The following DNAH2 variants were observed in gnomAD, a reference collection of about 807,000 sequenced individuals.
DNAH2 encodes the protein dynein axonemal heavy chain 2, also known as axonemal beta dynein heavy chain 2.
DNAH2 carries 323 observed loss-of-function variants against 523.5 expected under a neutral mutation model. That is an observed-to-expected ratio of 0.62 (90% CI 0.56 to 0.68). DNAH2 has a LOEUF of 0.68. DNAH2 is among the 30% of genes least tolerant of loss of function. The probability of loss-of-function intolerance (pLI) is 0.00; values close to 1 mark genes in which losing one functional copy is unlikely to be tolerated. For synonymous variants in DNAH2, 2,093 were observed against 2,177.4 expected (o/e 0.96, Z 1.08); for missense variants, 4,907 against 5,701.5 (o/e 0.86, Z 4.49).
rs1479984368 is a variant in DNAH2, at chr17:7,805,245, C to A, written c.9301-7C>A. On this transcript the variant is annotated splice_region_variant and splice_polypyrimidine_tract_variant and intron_variant, in intron 60 of 85. Coordinates refer to ENST00000572933, the MANE Select transcript of DNAH2 (RefSeq NM_020877.5). ...TCTTACCCTCACTTTATCCCCTTTT[C>A]CCCCAGGCCCTGGAGTCTCTGAACA... 3 of 1,613,934 alleles carry A rather than the reference C, an allele frequency of 1.9e-6. No individual in the cohort carries two copies. Among genetic ancestry groups the A allele is most frequent in the African/African-American group, 1.3e-5 (1 of 74,934 alleles).
At position 7,831,217 on chromosome 17, in the gene DNAH2, C is replaced by T. The variant is rs768127942; in HGVS notation, c.12362C>T (p.Ser4121Phe). The part of the protein sequence containing the change: ...FGQHPNADVA[S>F]QITEAQTLFD... ...CAGCACCCCAATGCTGATGTGGCCT[C>T]TCAGATCACTGAGGCACAAACCCTC... is the stretch of plus-strand genomic sequence containing the variant. Residue 4121 changes from serine (S) to phenylalanine (F), a missense_variant, in exon 80 of 86, where the codon TCT becomes TTT. Physicochemically the swap from Ser to Phe is radical, Grantham distance 155. Around this residue, in one of 3 missense-constraint regions of DNAH2, gnomAD observed 1,851 missense variants for 2,139.4 expected, o/e 0.87. Transcript: ENST00000572933. The surrounding 1 kb of genome is among the most constrained non-coding windows in gnomAD (Gnocchi z 4.2). 33 of 1,614,102 alleles carry T rather than the reference C, an allele frequency of 2.0e-5. No individual in the cohort carries two copies. In the African/African-American group the frequency reaches 3.5e-4, roughly 17 times the overall value.
chr17:7,780,689 G>A lies in DNAH2; in HGVS notation c.5910G>A (p.Gln1970=). ...TGGCTGTGCAGCAGCTGTCCAGACA[G>A]GACCACTATGACTTTGGCCTGCGTG... The part of the protein sequence containing the change: ...YSLAVQQLSR[Q]DHYDFGLRAL... Residue 1970 remains glutamine (Q), a synonymous_variant, in exon 38 of 86, where the codon CAG becomes CAA. Transcript: ENST00000572933. The surrounding 1 kb of genome is among the most constrained non-coding windows in gnomAD (Gnocchi z 4.4). 6.2e-7 allele frequency: 1 copy of A among 1,614,230 alleles called. No homozygotes were observed. The highest frequency in any genetic ancestry group is 8.5e-7 in the Non-Finnish European group (1 of 1,180,044).
chr17:7,794,483 T>G, intron 49 of DNAH2, 125 bp downstream of exon 49: 1 of 770,838 alleles, frequency 1.3e-6, no homozygotes, highest in South Asian at 2.1e-5. Flanking sequence ...CGCAGGACGC[T>G]GGGACGATCC....
At chr17:7,740,709 G>C (rs2075287762) in intron 10 of DNAH2, 101 bp from the exon 11 acceptor site, 1 of 1,536,096 alleles carries the variant, frequency 6.5e-7, no homozygotes, top group Non-Finnish European at 8.8e-7. Flanking sequence ...GTCCCCGGGA[G>C]TGTGACTCCC....
At chr17:7,781,541 G>C (rs2076605254) in intron 39 of DNAH2, among the ~76,000 whole-genome samples, 1 of 152,140 alleles carries the variant, frequency 6.6e-6, no homozygotes, top group African/African-American at 2.4e-5. Flanking sequence ...TATGCATCTG[G>C]GAATAGAAAA....
chr17:7,741,009 C>T lies in DNAH2; in HGVS notation c.1689+17C>T, dbSNP rs1258333706. Reference sequence around the variant, plus strand: ...GTCATGACCGTAAGTGCCTGGCCTTCTCCATATTCTGTCGTCAGTGAGACC... The same window carrying T: ...GTCATGACCGTAAGTGCCTGGCCTTTTCCATATTCTGTCGTCAGTGAGACC... On this transcript the variant is annotated intron_variant, in intron 11 of 85. Coordinates refer to ENST00000572933, the MANE Select transcript of DNAH2 (RefSeq NM_020877.5). 2 of 1,584,280 alleles carry T rather than the reference C, an allele frequency of 1.3e-6. No homozygotes were observed. Among genetic ancestry groups the T allele is most frequent in the South Asian group, 1.1e-5 (1 of 89,486 alleles).
At chr17:7,736,430 C>T (rs530194274) in intron 7 of DNAH2, among the ~76,000 whole-genome samples, 2 of 152,260 alleles carry the variant, frequency 1.3e-5, no homozygotes, top group Non-Finnish European at 2.9e-5. Flanking sequence ...CCAGTTGATC[C>T]GACAGCAACA....
intron 7 of DNAH2, among the ~76,000 whole-genome samples, chr17:7,736,146 A>T (rs1289165848): frequency 6.6e-6 from 1 of 152,146 alleles, no homozygotes; most frequent in African/African-American, 2.4e-5. Flanking sequence ...AAGTGTTGAG[A>T]TTATAGGTGT....
rs1276887167 is a variant in DNAH2 at position 7,833,680 on chromosome 17, G to A, written c.*147G>A. The stretch of plus-strand genomic sequence containing the variant: ...TGTGGCCCTGGAGATACCTAGTTGT[G>A]TTAGCCATAAAAGTGAAAGAGTTGT... On this transcript the variant is annotated 3_prime_UTR_variant, in exon 86 of 86. Coordinates refer to ENST00000572933, the MANE Select transcript of DNAH2 (RefSeq NM_020877.5). 2 of 1,106,458 alleles carry A rather than the reference G, an allele frequency of 1.8e-6. No individual in the cohort carries two copies. The highest frequency in any genetic ancestry group is 1.5e-5 in the African/African-American group (1 of 64,902). The allele number at this position is 1,106,458 out of a possible 1,614,324, so 68.5% of individuals were successfully genotyped here. A position where few individuals can be genotyped will look rare whatever the true frequency, so the allele number is the denominator to read the frequency against.
chr17:7,771,350 C>T lies in DNAH2; in HGVS notation c.4383C>T (p.Asp1461=), dbSNP rs1412875960. ...CTCAGAATATCTTCCTAGGAGAAGA[C>T]ATCCGCAAGCAGCTGCCCAATGAAT... The part of the protein sequence containing the change: ...MYLENIFLGE[D]IRKQLPNEST... Residue 1461 remains aspartate, a synonymous_variant, in exon 28 of 86, where the codon GAC becomes GAT. Coordinates refer to ENST00000572933, the MANE Select transcript of DNAH2 (RefSeq NM_020877.5). 1.9e-6 allele frequency: 3 copies of T among 1,614,040 alleles called. No individual in the cohort carries two copies. Among genetic ancestry groups the T allele is most frequent in the South Asian group, 2.2e-5 (2 of 91,082 alleles).
intron 13 of DNAH2, among the ~76,000 whole-genome samples, chr17:7,757,652 T>A (rs1480741078): frequency 6.6e-6 from 1 of 152,234 alleles, no homozygotes; most frequent in Non-Finnish European, 1.5e-5. Flanking sequence ...GAGGCTTTGT[T>A]CTGGGTTAGG....
chr17:7,807,272 G>A lies in DNAH2; in HGVS notation c.9565G>A (p.Val3189Ile), dbSNP rs375285205. 150 of 1,613,732 alleles carry A rather than the reference G, an allele frequency of 9.3e-5. No individual in the cohort carries two copies. The highest frequency in any genetic ancestry group is 7.3e-5 in the Non-Finnish European group (86 of 1,180,030). Residue 3189 changes from valine to isoleucine, a missense_variant, in exon 62 of 86, where the codon GTC becomes ATC. Coordinates refer to ENST00000572933, the MANE Select transcript of DNAH2 (RefSeq NM_020877.5). The surrounding 1 kb of genome is among the most constrained non-coding windows in gnomAD (Gnocchi z 5.6). ...PDFQPDIIGR[V>I]SLAAKSLCMW... ...CTTCCAGCCTGATATCATCGGCCGC[G>A]TCTCCCTGGCTGCCAAGTCCCTCTG... is the stretch of plus-strand genomic sequence containing the variant.
chr17:7,787,077 C>CCGGAGGG, intron 42 of DNAH2, 44 bp downstream of exon 42: 2 of 1,607,604 alleles, frequency 1.2e-6, no homozygotes, highest in Non-Finnish European at 1.7e-6. Context: ...GAGGCAGGCA[C>CCGGAGGG]CGGAGGGCGT....
At chr17:7,817,092 T>C (rs866984485) in intron 64 of DNAH2, among the ~76,000 whole-genome samples, 198 bp from the exon 65 acceptor site, 1 of 152,166 alleles carries the variant, frequency 6.6e-6, no homozygotes, top group South Asian at 2.1e-4. Context: ...ATCACCAGAA[T>C]GTAAACATTG....
chr17:7,779,799 A>G (rs1466660620), intron 36 of DNAH2, among the ~76,000 whole-genome samples: 1 of 152,192 alleles, frequency 6.6e-6, no homozygotes, highest in South Asian at 2.1e-4. Context: ...GGTCTAGGAC[A>G]GCACAGGGAT....
Position 7,799,239 on chromosome 17 carries a change from T to A in DNAH2, c.8696T>A (p.Phe2899Tyr), listed in dbSNP as rs187892240. Residue 2899 changes from phenylalanine (F) to tyrosine (Y), a missense_variant, in exon 56 of 86, where the codon TTC becomes TAC. Physicochemically the swap from Phe to Tyr is conservative, Grantham distance 22. This residue lies in a region of DNAH2 where 1,851 missense variants were observed against 2,139.4 expected (regional missense o/e 0.87). Coordinates refer to ENST00000572933, the MANE Select transcript of DNAH2 (RefSeq NM_020877.5). ...TGCCTCAGCCCCATGGGGGATCCCT[T>A]CAGGTGACTTCTGTGACATCCTTCT... The part of the protein sequence containing the change: ...VLCLSPMGDP[F>Y]RNWIRQYPAL... 5 of 1,613,956 alleles carry A rather than the reference T, an allele frequency of 3.1e-6. No homozygotes were observed. The African/African-American group carries it at 6.7e-5, about 22-fold the overall frequency.
intron 48 of DNAH2, among the ~76,000 whole-genome samples, chr17:7,793,418 G>A (rs1348205887): frequency 2.6e-5 from 4 of 151,080 alleles, no homozygotes; most frequent in Admixed American, 6.6e-5. Flanking sequence ...TGAGCATATT[G>A]TTTGCCTGCT....
At chr17:7,805,973 T>G (rs1188080607) in intron 61 of DNAH2, among the ~76,000 whole-genome samples, 1 of 152,362 alleles carries the variant, frequency 6.6e-6, no homozygotes, top group African/African-American at 2.4e-5. Context: ...GCTTTTATAA[T>G]TATTAAATAT....
Position 7,770,248 on chromosome 17 carries a change from G to T in DNAH2, c.3942-4G>T. 2 of 1,597,794 alleles carry T rather than the reference G, an allele frequency of 1.3e-6. No homozygotes were observed. The highest frequency in any genetic ancestry group is 1.1e-5 in the South Asian group (1 of 87,926). On this transcript the variant is annotated splice_polypyrimidine_tract_variant and splice_region_variant and intron_variant, in intron 24 of 85. Coordinates refer to ENST00000572933, the MANE Select transcript of DNAH2 (RefSeq NM_020877.5). ...ACCTCACACCCTCCTGTTCCTGGCT[G>T]CAGGCACTGGGACCAGGTCCGGGAT... is the stretch of plus-strand genomic sequence containing the variant.
Sources: gnomAD v4.1 joint callset for allele counts (sites outside exome capture counted in the v4.1 genomes callset) on GRCh38, gnomAD v4.1.1 for gene constraint, gnomAD v4.1.1 regional missense constraint, Gnocchi (gnomAD v3.1) non-coding constraint, MANE v1.5 for transcripts, NCBI Gene and HGNC (gene_info 2026-07-23, HGNC 2026-07-21) for gene names.